Variants in NR3C2 observed in about 807,000 individuals in gnomAD.
NR3C2 encodes the protein nuclear receptor subfamily 3 group C member 2.
A neutral mutation model predicts 86.4 loss-of-function variants in NR3C2; 15 were observed. The ratio of observed to expected loss-of-function variants is 0.17; its 90% confidence interval spans 0.12 to 0.27. The LOEUF (loss-of-function observed/expected upper bound fraction) is 0.27. NR3C2 is among the 10% of genes least tolerant of loss of function. The pLI is 1.00. For missense variants in NR3C2, 960 were observed against 1,195.6 expected (o/e 0.80, Z 2.91); for synonymous variants, 458 against 450.5 (o/e 1.02, Z -0.21).
chr4:148,321,599 T>C (rs1743596261), intron 2 of NR3C2, among the ~76,000 whole-genome samples: 1 of 152,216 alleles, frequency 6.6e-6, no homozygotes, highest in African/African-American at 2.4e-5. Flanking sequence ...TAGTTAGCTC[T>C]TCTTGTTGAA....
rs540844596 is a variant in NR3C2 at position 148,120,439 on chromosome 4, T to C, written c.2511-151A>G. Reference sequence around the variant, plus strand: ...ATGTGTATTTTAAAGACAAGTTAGATGCTTTTCATAGTGACTGGTAAATTG... The same window carrying C: ...ATGTGTATTTTAAAGACAAGTTAGACGCTTTTCATAGTGACTGGTAAATTG... On this transcript the variant is annotated intron_variant, in intron 6 of 8. Coordinates refer to ENST00000358102, the MANE Select transcript of NR3C2 (RefSeq NM_000901.5). 219 of 907,370 alleles carry C rather than the reference T, an allele frequency of 2.4e-4. 1 individual carries two copies. In the African/African-American group the frequency reaches 3.4e-3, roughly 14 times the overall value. 56.2% of individuals were successfully genotyped at this position (907,370 alleles called of 1,614,324 possible).
At chr4:148,237,633 A>G (rs1251172677) in intron 3 of NR3C2, among the ~76,000 whole-genome samples, 1 of 66,982 alleles carries the variant, frequency 1.5e-5, no homozygotes, top group East Asian at 9.5e-4. Flanking sequence ...GCGCTTCAAT[A>G]ATTGTAGAAG....
intron 2 of NR3C2, among the ~76,000 whole-genome samples, chr4:148,401,889 A>C (rs544994630): frequency 6.6e-6 from 1 of 152,324 alleles, no homozygotes; most frequent in Non-Finnish European, 1.5e-5. Context: ...TGAGCTTCTA[A>C]ACCCATGCCA....
chr4:148,278,687 G>A (rs1741084461), intron 2 of NR3C2, among the ~76,000 whole-genome samples: 1 of 151,944 alleles, frequency 6.6e-6, no homozygotes, highest in Admixed American at 6.6e-5. Context: ...AGTTTTTATG[G>A]CTTTGTCAAG....
At chr4:148,287,124 G>T (rs1306892994) in intron 2 of NR3C2, among the ~76,000 whole-genome samples, 5 of 152,212 alleles carry the variant, frequency 3.3e-5, no homozygotes, top group Non-Finnish European at 7.3e-5. Context: ...CCATGTAACA[G>T]AATTATTAGC....
chr4:148,268,234 T>G (rs141435137), intron 2 of NR3C2, among the ~76,000 whole-genome samples: 264 of 152,316 alleles, frequency 1.7e-3, no homozygotes, highest in African/African-American at 5.7e-3. Flanking sequence ...CCACTGTGCC[T>G]GGCCTTGAGT....
intron 2 of NR3C2, among the ~76,000 whole-genome samples, chr4:148,323,528 G>A (rs1056171389): frequency 3.4e-5 from 5 of 145,590 alleles, no homozygotes; most frequent in Admixed American, 6.9e-5. Context: ...AGCAATCAGC[G>A]AGACTCCGTG....
chr4:148,175,196 A>G (rs1374098018), intron 4 of NR3C2, among the ~76,000 whole-genome samples: 1 of 152,182 alleles, frequency 6.6e-6, no homozygotes, highest in East Asian at 1.9e-4. Flanking sequence ...AAAAACAACT[A>G]AAGGCCGGTT....
chr4:148,241,305 C>CAAAAAA (rs1374779029), intron 3 of NR3C2, among the ~76,000 whole-genome samples: 1 of 18,862 alleles, frequency 5.3e-5, no homozygotes, highest in African/African-American at 2.5e-4. Context: ...AACTCTGTCT[C>CAAAAAA]AAAAAAAAAA....
intron 3 of NR3C2, among the ~76,000 whole-genome samples, chr4:148,195,390 T>C (rs1235010027): frequency 1.3e-5 from 2 of 152,220 alleles, no homozygotes; most frequent in African/African-American, 4.8e-5. Flanking sequence ...GTGACATCTA[T>C]TGGCAAAATA....
rs1750013456 is a variant in NR3C2, at chr4:148,435,608, T to A, written c.1253A>T (p.Asn418Ile). 1 of 1,614,066 alleles carries A rather than the reference T, an allele frequency of 6.2e-7. No individual in the cohort carries two copies. Among genetic ancestry groups the A allele is most frequent in the African/African-American group, 1.3e-5 (1 of 74,922 alleles). Residue 418 changes from asparagine (N) to isoleucine (I), a missense_variant, in exon 2 of 9, where the codon AAT becomes ATT. This residue lies in a region of NR3C2 where 680 missense variants were observed against 719.0 expected (regional missense o/e 0.95). Coordinates refer to ENST00000358102, the MANE Select transcript of NR3C2 (RefSeq NM_000901.5). ...TGGTACTGAGAATGAAGAATCCGAATTTATTTTGCTATTTCCTCCTAGACA... is the reference window on the plus strand; with the variant it reads ...TGGTACTGAGAATGAAGAATCCGAAATTATTTTGCTATTTCCTCCTAGACA... ...SSCLGGNSKINSDSSFSVPIK... is the reference protein window; with the variant it reads ...SSCLGGNSKIISDSSFSVPIK...
At chr4:148,147,834 CATTGG>C in intron 6 of NR3C2, among the ~76,000 whole-genome samples, 1 of 152,174 alleles carries the variant, frequency 6.6e-6, no homozygotes, top group East Asian at 1.9e-4. Context: ...ATGTGTAAGG[CATTGG>C]CAGGCAATGT....
rs528277023 is a variant in NR3C2, at chr4:148,358,379, C to G, written c.1757+76725G>C. Among the ~76,000 whole-genome samples the G allele has an allele frequency of 2.8e-3, 415 of 149,808 alleles. 1 individual carries two copies. Among genetic ancestry groups the G allele is most frequent in the Middle Eastern group, 0.01 (3 of 286 alleles). On this transcript the variant is annotated intron_variant, in intron 2 of 8. Coordinates refer to ENST00000358102, the MANE Select transcript of NR3C2 (RefSeq NM_000901.5). ...AGTCAAATATCGCAAGAACAAAAAA[C>G]CAAACACCGCATATTCTCACTCATA...
chr4:148,217,117 C>G (rs965047180), intron 3 of NR3C2, among the ~76,000 whole-genome samples: 1 of 152,190 alleles, frequency 6.6e-6, no homozygotes, highest in African/African-American at 2.4e-5. Context: ...CATAGATAAA[C>G]CAACCTGACT....
Position 148,260,129 on chromosome 4 carries a change from A to C in NR3C2, c.1758-12T>G. On this transcript the variant is annotated splice_polypyrimidine_tract_variant and intron_variant, in intron 2 of 8. Coordinates refer to ENST00000358102, the MANE Select transcript of NR3C2 (RefSeq NM_000901.5). ...TTCGTAAAGTAGAGCTGGGGAAAGA[A>C]ATTGAGATTTAAATAACTACACCGT... The C allele has an allele frequency of 6.2e-7, 1 of 1,613,870 alleles. No homozygotes were observed. The highest frequency in any genetic ancestry group is 8.5e-7 in the Non-Finnish European group (1 of 1,179,894).
rs1579026646 is a variant in NR3C2 at position 148,218,167 on chromosome 4, C to CT, written c.1898-23306dup. Among the ~76,000 whole-genome samples, 3 of 152,214 alleles carry CT rather than the reference C, an allele frequency of 2.0e-5. No homozygotes were observed. The East Asian group carries it at 5.8e-4, about 29-fold the overall frequency. On this transcript the variant is annotated intron_variant, in intron 3 of 8. Coordinates refer to ENST00000358102, the MANE Select transcript of NR3C2 (RefSeq NM_000901.5). ...TTAAGGCTGTGAATTTGCTATAAGT[C>CT]TAAGTACGAAAACAAAGGTAAATAT...
At chr4:148,200,026 ACAATGAAACATG>A (rs1251926480) in intron 3 of NR3C2, among the ~76,000 whole-genome samples, 4 of 152,272 alleles carry the variant, frequency 2.6e-5, no homozygotes, top group Non-Finnish European at 5.9e-5. Context: ...AAATGTTCAT[ACAATGAAACATG>A]GAAAGGACAG....
chr4:148,080,901 AAAG>A lies in NR3C2; in HGVS notation c.*440_*442del, dbSNP rs1398691659. 3 of 354,990 alleles carry A rather than the reference AAAG, an allele frequency of 8.5e-6. No individual in the cohort carries two copies. Among genetic ancestry groups the A allele is most frequent in the African/African-American group, 6.4e-5 (3 of 46,744 alleles). 22.0% of individuals were successfully genotyped at this position (354,990 alleles called of 1,614,324 possible). On this transcript the variant is annotated 3_prime_UTR_variant, in exon 9 of 9. Transcript: ENST00000358102. ...ATTTTTTTGTGTTTTTTTAATAACA[AAAG>A]AATATTAATGCCCCATATTGACTAT...
chr4:148,335,662 G>T (rs1346400004), intron 2 of NR3C2, among the ~76,000 whole-genome samples: 1 of 151,598 alleles, frequency 6.6e-6, no homozygotes, highest in Non-Finnish European at 1.5e-5. Context: ...GATTTGACAG[G>T]CTGCCCTCCT....
Sources: gnomAD v4.1 joint callset for allele counts (sites outside exome capture counted in the v4.1 genomes callset) on GRCh38, gnomAD v4.1.1 for gene constraint, gnomAD v4.1.1 regional missense constraint, MANE v1.5 for transcripts, NCBI Gene and HGNC (gene_info 2026-07-23, HGNC 2026-07-21) for gene names.